Variants in SUSD5 observed in about 807,000 individuals in gnomAD.
The protein encoded by SUSD5 is sushi domain containing 5, also known as sushi domain-containing protein 5.
SUSD5 carries 33 observed loss-of-function variants against 29.5 expected under a neutral mutation model. The ratio of observed to expected loss-of-function variants is 1.12; its 90% CI spans 0.85 to 1.49. The LOEUF is 1.49. Among genes scored for constraint, SUSD5 ranks in the 40% most tolerant of loss-of-function variants. The probability of loss-of-function intolerance (pLI) is 0.00; values close to 1 mark genes in which losing one functional copy is unlikely to be tolerated. For missense variants in SUSD5, 776 were observed against 800.6 expected, an observed-to-expected ratio of 0.97 and a Z score of 0.37; for synonymous variants, 308 against 325.3, an observed-to-expected ratio of 0.95 and a Z score of 0.57.
chr3:33,217,587 G>A (rs2032446445), intron 1 of SUSD5, among the ~76,000 whole-genome samples: 1 of 152,122 alleles, frequency 6.6e-6, no homozygotes, highest in Non-Finnish European at 1.5e-5. Flanking sequence ...TCCTTAATTA[G>A]GAACGGAGAG....
chr3:33,199,449 A>AT (rs1345104574), intron 3 of SUSD5, among the ~76,000 whole-genome samples: 1 of 151,970 alleles, frequency 6.6e-6, no homozygotes, highest in Non-Finnish European at 1.5e-5. Context: ...AACTTTTTGT[A>AT]TTTTTAACAG....
chr3:33,152,810 A>G lies in SUSD5; in HGVS notation c.1822T>C (p.Tyr608His). 1.2e-6 allele frequency: 2 copies of G among 1,613,824 alleles called. No homozygotes were observed. The highest frequency in any genetic ancestry group is 3.3e-5 in the Admixed American group (2 of 60,008). ...YRKCQHKSSV[Y>H]KLNVGQRQAR... The stretch of plus-strand genomic sequence containing the variant: ...TGCCGCTGGCCAACATTCAGCTTGT[A>G]CACAGAGCTCTTGTGCTGGCACTTG... Residue 608 changes from tyrosine to histidine, a missense_variant, in exon 5 of 5, where the codon TAC becomes CAC. Coordinates refer to ENST00000309558, the MANE Select transcript of SUSD5 (RefSeq NM_015551.2).
At chr3:33,215,271 C>G (rs2032407700) in intron 1 of SUSD5, among the ~76,000 whole-genome samples, 1 of 152,010 alleles carries the variant, frequency 6.6e-6, no homozygotes, top group Admixed American at 6.6e-5. Flanking sequence ...ACAAAATTAG[C>G]ACTCTTGATG....
chr3:33,218,713 G>C lies in SUSD5; in HGVS notation c.85C>G (p.Leu29Val). 1.5e-6 allele frequency: 2 copies of C among 1,325,478 alleles called. No homozygotes were observed. 82.1% of individuals were successfully genotyped at this position (1,325,478 alleles called of 1,614,324 possible). A position where few individuals can be genotyped will look rare whatever the true frequency, so the allele number is the denominator to read the frequency against. The change falls in exon 1 of 5, where the codon CTG (leucine) becomes GTG (valine). Residue 29 changes from leucine to valine, a missense_variant. Physicochemically the swap from Leu to Val is conservative, Grantham distance 32 (BLOSUM62 1). Coordinates refer to ENST00000309558, the MANE Select transcript of SUSD5 (RefSeq NM_015551.2). Reference sequence around the variant, plus strand: ...TCCGCCCGCACCGAAAGGCGCGGCAGACCGAGCAGGAGCAGCGCCGCCGCC... The same window carrying C: ...TCCGCCCGCACCGAAAGGCGCGGCACACCGAGCAGGAGCAGCGCCGCCGCC... ...LWAAALLLLG[L>V]PRLSVRADGK... is the part of the protein sequence containing the mutation.
Position 33,200,410 on chromosome 3 carries a change from G to A in SUSD5, c.409+7398C>T, listed in dbSNP as rs142948987. Among the ~76,000 whole-genome samples the A allele has an allele frequency of 3.6e-4, 55 of 152,332 alleles. No individual in the cohort carries two copies. In the South Asian group the frequency reaches 5.6e-3, roughly 15 times the overall value. ...TACCTAAAAATATGGATTCAGCTTT[G>A]GAATTAACAGGTAGAAGCTAGAAAA... On this transcript the variant is annotated intron_variant, in intron 3 of 4. Coordinates refer to ENST00000309558, the MANE Select transcript of SUSD5 (RefSeq NM_015551.2).
Position 33,174,921 on chromosome 3 carries a change from C to A in SUSD5, c.563G>T (p.Gly188Val). ...TAFTLLCNSC[G>V]EWYGLVQACG... ...GGCCTGCACCAGGCCGTACCACTCC[C>A]CACAGCTGTTACATAGCAAGGTGAA... The change falls in exon 4 of 5, where the codon GGG becomes GTG. Residue 188 changes from glycine to valine, a missense_variant. Coordinates refer to ENST00000309558, the MANE Select transcript of SUSD5 (RefSeq NM_015551.2). 1 of 1,614,034 alleles carries A rather than the reference C, an allele frequency of 6.2e-7. No homozygotes were observed. The highest frequency in any genetic ancestry group is 8.5e-7 in the Non-Finnish European group (1 of 1,179,886).
intron 4 of SUSD5, among the ~76,000 whole-genome samples, chr3:33,155,316 CAT>C (rs1404247110): frequency 6.6e-6 from 1 of 152,312 alleles, no homozygotes; most frequent in African/African-American, 2.4e-5. Flanking sequence ...AGTCATTAAA[CAT>C]GTGGAAAGAT....
intron 4 of SUSD5, among the ~76,000 whole-genome samples, chr3:33,174,301 C>T (rs2031497350): frequency 6.6e-6 from 1 of 152,134 alleles, no homozygotes; most frequent in African/African-American, 2.4e-5. Context: ...CAAGATTGCT[C>T]AGGTGGATCA....
intron 4 of SUSD5, among the ~76,000 whole-genome samples, 157 bp from the exon 5 acceptor site, chr3:33,154,190 A>C (rs1158551868): frequency 6.6e-6 from 1 of 152,200 alleles, no homozygotes; most frequent in Non-Finnish European, 1.5e-5. Context: ...ATAAACCCAA[A>C]TAATCTACAT....
intron 3 of SUSD5, among the ~76,000 whole-genome samples, chr3:33,182,753 G>C (rs1452739623): frequency 6.6e-6 from 1 of 152,038 alleles, no homozygotes; most frequent in East Asian, 1.9e-4. Flanking sequence ...ACTTTATTTT[G>C]ATTAGTGTTA....
At chr3:33,215,660 C>T (rs1457244744) in intron 1 of SUSD5, among the ~76,000 whole-genome samples, 1 of 152,090 alleles carries the variant, frequency 6.6e-6, no homozygotes, top group East Asian at 1.9e-4. Flanking sequence ...AGTATGGCTC[C>T]GTTAGTGATT....
intron 2 of SUSD5, among the ~76,000 whole-genome samples, chr3:33,211,025 C>T (rs1240314145): frequency 6.6e-6 from 1 of 152,124 alleles, no homozygotes; most frequent in Non-Finnish European, 1.5e-5. Flanking sequence ...AGGCACACAC[C>T]ACCATGCCCA....
intron 2 of SUSD5, among the ~76,000 whole-genome samples, chr3:33,212,182 T>C (rs1348954701): frequency 6.6e-6 from 1 of 152,162 alleles, no homozygotes; most frequent in Non-Finnish European, 1.5e-5. Context: ...ATTATGTGTG[T>C]CAAAACATCA....
At chr3:33,215,548 T>C (rs943544586) in intron 1 of SUSD5, among the ~76,000 whole-genome samples, 2 of 152,204 alleles carry the variant, frequency 1.3e-5, no homozygotes, top group Non-Finnish European at 2.9e-5. Context: ...TTAATTCTTA[T>C]GACAACTCTA....
intron 4 of SUSD5, among the ~76,000 whole-genome samples, chr3:33,169,424 T>C (rs1207971527): frequency 6.6e-6 from 1 of 152,028 alleles, no homozygotes; most frequent in African/African-American, 2.4e-5. Context: ...TTTCACCATG[T>C]TGACCAGGCT....
At chr3:33,184,544 C>T (rs889912050) in intron 3 of SUSD5, among the ~76,000 whole-genome samples, 11 of 152,104 alleles carry the variant, frequency 7.2e-5, no homozygotes, top group Admixed American at 6.5e-4. Flanking sequence ...CCTTCTGATA[C>T]TTCCATTATG....
chr3:33,206,352 C>T (rs928504093), intron 3 of SUSD5, among the ~76,000 whole-genome samples: 2 of 150,948 alleles, frequency 1.3e-5, no homozygotes, highest in Admixed American at 6.6e-5. Flanking sequence ...CCAGCCTGGG[C>T]GACAAGAGTA....
intron 4 of SUSD5, among the ~76,000 whole-genome samples, chr3:33,164,326 G>C (rs1267205558): frequency 6.6e-6 from 1 of 152,156 alleles, no homozygotes; most frequent in Non-Finnish European, 1.5e-5. Context: ...TGGTTACCAA[G>C]GGCTGAGGGA....
At chr3:33,217,512 C>G (rs2032445037) in intron 1 of SUSD5, among the ~76,000 whole-genome samples, 1 of 152,144 alleles carries the variant, frequency 6.6e-6, no homozygotes, top group South Asian at 2.1e-4. Context: ...TACTAACAGC[C>G]TTCAAAGTTA....
Sources: gnomAD v4.1 joint callset for allele counts (sites outside exome capture counted in the v4.1 genomes callset) on GRCh38, gnomAD v4.1.1 for gene constraint, MANE v1.5 for transcripts, NCBI Gene and HGNC (gene_info 2026-07-23, HGNC 2026-07-21) for gene names.